ITSN2: variants seen among roughly 807,000 people sequenced by gnomAD.
ITSN2 encodes the protein intersectin-2.
ITSN2 carries 156 observed loss-of-function variants against 243.7 expected under a neutral mutation model. The observed-to-expected ratio is 0.64, with a 90% CI of 0.56 to 0.73. ITSN2 has a LOEUF of 0.73. Ranked by LOEUF, ITSN2 falls within the 30% of genes least tolerant of loss-of-function variation. The probability of loss-of-function intolerance (pLI) is 0.00; values close to 1 mark genes in which losing one functional copy is unlikely to be tolerated. For missense variants in ITSN2, 1,801 were observed against 1,996.1 expected, an observed-to-expected ratio of 0.90 and a Z score of 1.86; for synonymous variants, 703 against 699.9, an observed-to-expected ratio of 1.00 and a Z score of -0.07.
chr2:24,216,109 A>ATTAAGCTCC lies in ITSN2; in HGVS notation c.3929_3930insGGAGCTTAA (p.Leu1309_Asn1310insLysGluLeu), dbSNP rs775202692. The ATTAAGCTCC allele has an allele frequency of 6.2e-7, 1 of 1,613,338 alleles. No homozygotes were observed. The highest frequency in any genetic ancestry group is 2.2e-5 in the East Asian group (1 of 44,768). On this transcript the variant is annotated inframe_insertion, in exon 32 of 40. Coordinates refer to ENST00000355123, the MANE Select transcript of ITSN2 (RefSeq NM_006277.3). ...TCTTCTGCTGTAACAGAGCTGCTCCATTAAGCTGGCAGCTGCAGAACCTGA... is the reference window on the plus strand; with the variant it reads ...TCTTCTGCTGTAACAGAGCTGCTCCATTAAGCTCCTTAAGCTGGCAGCTGCAGAACCTGA...
chr2:24,289,131 A>G (rs941938184), intron 15 of ITSN2, among the ~76,000 whole-genome samples: 14 of 152,112 alleles, frequency 9.2e-5, no homozygotes, highest in Admixed American at 9.2e-4. Flanking sequence ...ACGTTTTAAA[A>G]TTGCTTTTTC....
chr2:24,231,501 G>A (rs1287642487), intron 29 of ITSN2, among the ~76,000 whole-genome samples: 1 of 152,208 alleles, frequency 6.6e-6, no homozygotes, highest in African/African-American at 2.4e-5. Flanking sequence ...GCTACTATCA[G>A]GTTGATGTTC....
rs1403326588 is a variant in ITSN2, at chr2:24,203,066, C to A, written c.*560G>T. On this transcript the variant is annotated 3_prime_UTR_variant, in exon 40 of 40. Coordinates refer to ENST00000355123, the MANE Select transcript of ITSN2 (RefSeq NM_006277.3). ...CAAGCTTTCCCACTTATACTCCAGA[C>A]TATATTGTCTTAGCAGAGAGTGATA... 1 of 152,642 alleles carries A rather than the reference C, an allele frequency of 6.6e-6. No homozygotes were observed. Among genetic ancestry groups the A allele is most frequent in the Non-Finnish European group, 1.5e-5 (1 of 68,052 alleles). 9.5% of individuals were successfully genotyped at this position (152,642 alleles called of 1,614,324 possible).
At chr2:24,296,009 A>C (rs79751748) in intron 13 of ITSN2, among the ~76,000 whole-genome samples, 124 of 152,324 alleles carry the variant, frequency 8.1e-4, no homozygotes, top group African/African-American at 2.8e-3. Flanking sequence ...TCATTCTCAG[A>C]GTGCAAGAGC....
Position 24,204,992 on chromosome 2 carries a change from C to A in ITSN2, c.4762+222G>T, listed in dbSNP as rs1668715491. 6.6e-6 allele frequency among the ~76,000 whole-genome samples: 1 copy of A among 152,042 alleles called. No individual in the cohort carries two copies. Among genetic ancestry groups the A allele is most frequent in the African/African-American group, 2.4e-5 (1 of 41,402 alleles). On this transcript the variant is annotated intron_variant, in intron 38 of 39. Coordinates refer to ENST00000355123, the MANE Select transcript of ITSN2 (RefSeq NM_006277.3). The surrounding 1 kb of genome is among the most constrained non-coding windows in gnomAD (Gnocchi z 5.1). ...TGAAACCCTGTGTCTACTAAAAATACAAGAATTTGCCAGGCGTGGTGGTGC... is the reference window on the plus strand; with the variant it reads ...TGAAACCCTGTGTCTACTAAAAATAAAAGAATTTGCCAGGCGTGGTGGTGC...
At chr2:24,214,415 TC>T (rs1669775138) in intron 32 of ITSN2, 1 of 152,076 alleles carries the variant, frequency 6.6e-6, no homozygotes, top group Non-Finnish European at 1.5e-5. Flanking sequence ...TGAACCCAGC[TC>T]CTTTTTGGGG....
At chr2:24,332,496 T>C (rs1685902895) in intron 1 of ITSN2, among the ~76,000 whole-genome samples, 1 of 152,176 alleles carries the variant, frequency 6.6e-6, no homozygotes, top group Non-Finnish European at 1.5e-5. Context: ...AAGGTACTAG[T>C]ATTACAGAAT....
chr2:24,254,801 T>G (rs1674805940), intron 23 of ITSN2, among the ~76,000 whole-genome samples: 1 of 152,222 alleles, frequency 6.6e-6, no homozygotes. Context: ...ATACATTTTA[T>G]TATTTGTTTA....
chr2:24,296,471 T>C (rs1558574190), intron 13 of ITSN2, among the ~76,000 whole-genome samples: 1 of 152,118 alleles, frequency 6.6e-6, no homozygotes, highest in African/African-American at 2.4e-5. Context: ...AAAGAGGTGA[T>C]TAAGGTTAAA....
intron 37 of ITSN2, among the ~76,000 whole-genome samples, chr2:24,206,991 G>A (rs1668960001): frequency 6.6e-6 from 1 of 152,126 alleles, no homozygotes; most frequent in East Asian, 1.9e-4. Flanking sequence ...GGCAACAATG[G>A]GCTGCTCAAC....
At chr2:24,253,853 A>C (rs1273536938) in intron 24 of ITSN2, among the ~76,000 whole-genome samples, 1 of 152,236 alleles carries the variant, frequency 6.6e-6, no homozygotes, top group African/African-American at 2.4e-5. Context: ...ATTAAATAAA[A>C]ATATCCTCTG....
Position 24,225,514 on chromosome 2 carries a change from T to A in ITSN2, c.3578-4448A>T, listed in dbSNP as rs182099845. On this transcript the variant is annotated intron_variant, in intron 29 of 39. Coordinates refer to ENST00000355123, the MANE Select transcript of ITSN2 (RefSeq NM_006277.3). This position sits in a 1 kb window ranked among gnomAD's most constrained non-coding sequence, Gnocchi z 4.2. ...CGGCCCACAGCACAGGCGCCTTGGA[T>A]GGGAGGCTTTTTTGGAGACTTGAGT... is the stretch of plus-strand genomic sequence containing the variant. 2.6e-4 allele frequency among the ~76,000 whole-genome samples: 39 copies of A among 152,298 alleles called. No homozygotes were observed. The East Asian group carries it at 7.0e-3, about 27-fold the overall frequency.
intron 17 of ITSN2, 111 bp downstream of exon 17, chr2:24,284,652 A>C (rs1679233283): frequency 1.4e-6 from 1 of 691,730 alleles, no homozygotes; most frequent in Non-Finnish European, 2.6e-6. Context: ...CTTATATTGT[A>C]TATGTTATTT....
chr2:24,296,644 A>G (rs558746248), intron 13 of ITSN2, among the ~76,000 whole-genome samples: 21 of 152,322 alleles, frequency 1.4e-4, no homozygotes, highest in Admixed American at 7.8e-4. Flanking sequence ...AGGCCTCACA[A>G]GAAACTAAGC....
chr2:24,292,587 C>T (rs887886651), intron 15 of ITSN2, among the ~76,000 whole-genome samples: 10 of 152,158 alleles, frequency 6.6e-5, no homozygotes, highest in Admixed American at 1.3e-4. Flanking sequence ...CTGCACTAGC[C>T]CAACAATCCC....
chr2:24,212,562 G>T, intron 33 of ITSN2, 88 bp downstream of exon 33: 1 of 986,462 alleles, frequency 1.0e-6, no homozygotes, highest in Non-Finnish European at 1.5e-6. Context: ...GAGGTGGCAT[G>T]CTCAGGGCTC....
chr2:24,264,621 C>T (rs531689713), intron 20 of ITSN2, among the ~76,000 whole-genome samples: 2 of 7,198 alleles, frequency 2.8e-4, no homozygotes, highest in East Asian at 9.7e-3. Flanking sequence ...ATCCATTGTT[C>T]CAATACCATT....
At chr2:24,323,526 A>C (rs1466740101) in intron 2 of ITSN2, among the ~76,000 whole-genome samples, 1 of 152,232 alleles carries the variant, frequency 6.6e-6, no homozygotes, top group Non-Finnish European at 1.5e-5. Context: ...GAAAAGGCAG[A>C]ACTGTAAGGA....
At chr2:24,282,202 T>C (rs564079298) in intron 17 of ITSN2, among the ~76,000 whole-genome samples, 103 of 152,192 alleles carry the variant, frequency 6.8e-4, no homozygotes, top group Non-Finnish European at 1.0e-3. Context: ...CTGGACGTCA[T>C]GAGGACCACA....
Sources: allele counts gnomAD v4.1 joint callset (sites outside exome capture counted in the v4.1 genomes callset), GRCh38; gene constraint gnomAD v4.1.1; non-coding constraint Gnocchi (gnomAD v3.1); transcripts MANE v1.5; gene names NCBI Gene and HGNC (gene_info 2026-07-23, HGNC 2026-07-21).